ZNF705G: variants seen among roughly 807,000 people sequenced by gnomAD.
The protein encoded by ZNF705G is zinc finger protein 705G.
ZNF705G carries 23 observed loss-of-function variants against 19.6 expected under a neutral mutation model. That is an observed-to-expected ratio of 1.17 (90% CI 0.84 to 1.66). The LOEUF is 1.66. ZNF705G is among the 40% of genes most tolerant of loss of function. The pLI is 0.00. For synonymous variants in ZNF705G, 146 were observed against 117.7 expected, an observed-to-expected ratio of 1.24 and a Z score of -1.56; for missense variants, 457 against 354.4, an observed-to-expected ratio of 1.29 and a Z score of -2.32.
Position 7,357,888 on chromosome 8 carries a change from G to A in ZNF705G, c.*88C>T, listed in dbSNP as rs1189213784. 56 of 1,567,166 alleles carry A rather than the reference G, an allele frequency of 3.6e-5. No homozygotes were observed. Among genetic ancestry groups the A allele is most frequent in the Non-Finnish European group, 4.5e-5 (52 of 1,164,026 alleles). On this transcript the variant is annotated 3_prime_UTR_variant, in exon 7 of 7. Transcript: ENST00000400156. ...ATTTTCTCTCCAGGGTGAATTTTCT[G>A]ATGCTCTTTAAGATTAGTACATTGT... is the stretch of plus-strand genomic sequence containing the variant.
intron 2 of ZNF705G, among the ~76,000 whole-genome samples, chr8:7,364,655 C>A (rs1308232691): frequency 6.7e-6 from 1 of 149,668 alleles, no homozygotes; most frequent in Non-Finnish European, 1.5e-5. Context: ...ACCCCAGGTC[C>A]CAAACATCAT....
In ZNF705G at chr8:7,369,460, G is replaced by T. The variant is rs554499368; in HGVS notation, c.-71-6443C>A. 3.9e-4 allele frequency among the ~76,000 whole-genome samples: 58 copies of T among 149,570 alleles called. 1 individual carries two copies. In the South Asian group the frequency reaches 0.012, roughly 32 times the overall value. On this transcript the variant is annotated intron_variant, in intron 2 of 6. Transcript: ENST00000400156. ...GCCACCATCCTCCAGACCCGAGAAT[G>T]GTAGATCCACTGTCAGCTTGCACCC... is the stretch of plus-strand genomic sequence containing the variant.
rs750748247 is a variant in ZNF705G, at chr8:7,360,281, T to C, written c.191A>G (p.Glu64Gly). The change falls in exon 5 of 7, where the codon GAG (glutamate) becomes GGG (glycine). Residue 64 changes from glutamate (E) to glycine (G), a missense_variant. Transcript: ENST00000400156. ...YIILQLEQGK[E>G]LWREGRVFLQ... ...AAATACTCTTCCTTCCCTCCACAGC[T>C]CTTTTCCTTGCTCCAGCTGCAAAAT... 1.9e-6 allele frequency: 3 copies of C among 1,591,656 alleles called. No homozygotes were observed. The highest frequency in any genetic ancestry group is 2.2e-5 in the South Asian group (2 of 90,696).
intron 1 of ZNF705G, among the ~76,000 whole-genome samples, 193 bp downstream of exon 1, chr8:7,385,305 A>C (rs1807677478): frequency 6.7e-6 from 1 of 148,828 alleles, no homozygotes; most frequent in Non-Finnish European, 1.5e-5. Context: ...AGACACAAAC[A>C]CTCATACCAC....
intron 2 of ZNF705G, among the ~76,000 whole-genome samples, chr8:7,369,501 T>G (rs1807002842): frequency 6.7e-6 from 1 of 149,538 alleles, no homozygotes; most frequent in South Asian, 2.1e-4. Flanking sequence ...CTGGAAAAGC[T>G]GCAGGCACTC....
chr8:7,355,614 C>T lies in ZNF705G; in HGVS notation c.*2362G>A, dbSNP rs1417848803. On this transcript the variant is annotated 3_prime_UTR_variant, in exon 7 of 7. Transcript: ENST00000400156. ...TGATTCCCTCTATGTGGAGGGAAGA[C>T]GAGCTTGAATAAGAGAAGCATTCTG... 6.7e-6 allele frequency: 1 copy of T among 149,672 alleles called. No homozygotes were observed. Among genetic ancestry groups the T allele is most frequent in the African/African-American group, 2.6e-5 (1 of 39,072 alleles). The allele number at this position is 149,672 out of a possible 1,614,324, so 9.3% of individuals were successfully genotyped here. A position where few individuals can be genotyped will look rare whatever the true frequency, so the allele number is the denominator to read the frequency against.
At chr8:7,364,738 T>A (rs1806780676) in intron 2 of ZNF705G, among the ~76,000 whole-genome samples, 1 of 149,560 alleles carries the variant, frequency 6.7e-6, no homozygotes, top group Middle Eastern at 3.4e-3. Flanking sequence ...ATCAACTTTT[T>A]TCTTATTCCT....
intron 6 of ZNF705G, among the ~76,000 whole-genome samples, chr8:7,358,932 C>A (rs184040336): frequency 4.7e-5 from 7 of 149,636 alleles, no homozygotes; most frequent in African/African-American, 1.8e-4. Flanking sequence ...ATCCCCAGTT[C>A]ACCAGGCACA....
chr8:7,360,433 A>G (rs549827210), intron 4 of ZNF705G, 101 bp from the exon 5 acceptor site: 2 of 1,547,400 alleles, frequency 1.3e-6, no homozygotes, highest in East Asian at 2.3e-5. Context: ...AAAACAGTGA[A>G]GGTCAGCTCA....
In ZNF705G at chr8:7,357,647, A is replaced by G. The variant is rs1251821807; in HGVS notation, c.*329T>C. On this transcript the variant is annotated 3_prime_UTR_variant, in exon 7 of 7. Transcript: ENST00000400156. ...AACAAGTCTTTGGTACATACATGTC[A>G]TACAATTTCTCTTCCATATGAATTT... 6.5e-6 allele frequency: 3 copies of G among 461,272 alleles called. No individual in the cohort carries two copies. The highest frequency in any genetic ancestry group is 2.6e-5 in the South Asian group (1 of 38,292). 28.6% of individuals were successfully genotyped at this position (461,272 alleles called of 1,614,324 possible). A position where few individuals can be genotyped will look rare whatever the true frequency, so the allele number is the denominator to read the frequency against.
intron 2 of ZNF705G, among the ~76,000 whole-genome samples, chr8:7,371,525 G>C (rs1487453858): frequency 9.3e-6 from 1 of 107,480 alleles, no homozygotes; most frequent in African/African-American, 3.4e-5. Context: ...GGGAGGTGAA[G>C]GATATGGTTA....
chr8:7,355,731 T>C lies in ZNF705G; in HGVS notation c.*2245A>G, dbSNP rs898574153. The C allele has an allele frequency of 2.0e-4, 30 of 149,772 alleles. 3 individuals are homozygous for C. Among genetic ancestry groups the C allele is most frequent in the Middle Eastern group, 3.4e-3 (1 of 292 alleles). The allele number at this position is 149,772 out of a possible 1,614,324, so 9.3% of individuals were successfully genotyped here. ...GCACAAATAGTACATCTTAATGTGG[T>C]TCAGGAGTACATATAATGTCAGTCA... On this transcript the variant is annotated 3_prime_UTR_variant, in exon 7 of 7. Transcript: ENST00000400156.
Position 7,358,566 on chromosome 8 carries a change from G to C in ZNF705G, c.319-6C>G. On this transcript the variant is annotated splice_polypyrimidine_tract_variant and splice_region_variant and intron_variant, in intron 6 of 6. Transcript: ENST00000400156. ...TCCAGAATGAGAGAGTTCTCCTTTG[G>C]GGCAAATATTAAAAGCTCTTAATGG... 1 of 1,607,032 alleles carries C rather than the reference G, an allele frequency of 6.2e-7. No homozygotes were observed. The highest frequency in any genetic ancestry group is 1.4e-5 in the African/African-American group (1 of 71,060).
chr8:7,381,017 A>C (rs1807470337), intron 2 of ZNF705G, among the ~76,000 whole-genome samples: 1 of 83,998 alleles, frequency 1.2e-5, no homozygotes, highest in Non-Finnish European at 2.3e-5. Flanking sequence ...CTCTGTCTCA[A>C]ACCACCACCA....
In ZNF705G at chr8:7,356,716, A is replaced by T. The variant is rs939719896; in HGVS notation, c.*1260T>A. ...AAGTTGGGGTAGAATCTCGACCAAG[A>T]ATCTCACCCAAGGAGTGCAGGTGCA... On this transcript the variant is annotated 3_prime_UTR_variant, in exon 7 of 7. Coordinates refer to ENST00000400156, the MANE Select transcript of ZNF705G (RefSeq NM_001164457.3). 7 of 149,656 alleles carry T rather than the reference A, an allele frequency of 4.7e-5. No homozygotes were observed. Among genetic ancestry groups the T allele is most frequent in the African/African-American group, 1.5e-4 (6 of 39,038 alleles). 9.3% of individuals were successfully genotyped at this position (149,656 alleles called of 1,614,324 possible).
At position 7,367,419 on chromosome 8, in the gene ZNF705G, G is replaced by C. The variant is rs1467051843; in HGVS notation, c.-71-4402C>G. Among the ~76,000 whole-genome samples the C allele has an allele frequency of 2.7e-5, 4 of 149,382 alleles. 1 individual carries two copies. Among genetic ancestry groups the C allele is most frequent in the African/African-American group, 1.0e-4 (4 of 38,814 alleles). On this transcript the variant is annotated intron_variant, in intron 2 of 6. Transcript: ENST00000400156. ...GACCCCAGGAAGAAGCAACTTCTTGGGCGTGCATGTTAAGAGACAAAAATG... is the reference window on the plus strand; with the variant it reads ...GACCCCAGGAAGAAGCAACTTCTTGCGCGTGCATGTTAAGAGACAAAAATG...
chr8:7,359,667 T>A lies in ZNF705G; in HGVS notation c.270A>T (p.Ile90=). 1 of 1,606,958 alleles carries A rather than the reference T, an allele frequency of 6.2e-7. No homozygotes were observed. The highest frequency in any genetic ancestry group is 8.5e-7 in the Non-Finnish European group (1 of 1,179,308). The change falls in exon 6 of 7, where the codon ATA becomes ATT. Residue 90 remains isoleucine (I), a synonymous_variant. Transcript: ENST00000400156. ...RESALKKTHM[I]SMHPITRKDA... ...CTTTTCTGGTGATAGGATGCATGGATATCATGTGTGTTTTCTTAAGGGCAC... is the reference window on the plus strand; with the variant it reads ...CTTTTCTGGTGATAGGATGCATGGAAATCATGTGTGTTTTCTTAAGGGCAC...
rs1434883940 is a variant in ZNF705G, at chr8:7,371,647, G to T, written c.-71-8630C>A. On this transcript the variant is annotated intron_variant, in intron 2 of 6. Transcript: ENST00000400156. ...AATGTAATCATAGCTCAACAAAGTC[G>T]GTTAAAATAAAACAAGAGGGGGTTG... Among the ~76,000 whole-genome samples, 2 of 93,758 alleles carry T rather than the reference G, an allele frequency of 2.1e-5. 1 individual carries two copies. The highest frequency in any genetic ancestry group is 4.7e-5 in the Non-Finnish European group (2 of 42,406). The allele number at this position is 93,758 out of a possible 152,430, so 61.5% of individuals were successfully genotyped here. A position where few individuals can be genotyped will look rare whatever the true frequency, so the allele number is the denominator to read the frequency against.
intron 2 of ZNF705G, among the ~76,000 whole-genome samples, chr8:7,372,239 TA>T (rs1324754195): frequency 0.023 from 3,330 of 143,912 alleles, 8 homozygotes; most frequent in African/African-American, 0.083. Flanking sequence ...TTGACCAATT[TA>T]AAAAAAAATA....
Sources: allele counts gnomAD v4.1 joint callset (sites outside exome capture counted in the v4.1 genomes callset), GRCh38; gene constraint gnomAD v4.1.1; transcripts MANE v1.5; gene names NCBI Gene and HGNC (gene_info 2026-07-23, HGNC 2026-07-21).